The following MCTP2 variants were observed in gnomAD, a reference collection of about 807,000 sequenced individuals.
MCTP2 encodes the protein multiple C2 and transmembrane domain-containing protein 2.
MCTP2 carries 132 observed loss-of-function variants against 111.6 expected under a neutral mutation model. The observed-to-expected ratio is 1.18, with a 90% CI of 1.03 to 1.37. The LOEUF is 1.37. MCTP2 is among the 40% of genes most tolerant of loss of function. The pLI, the probability that MCTP2 is intolerant of heterozygous loss-of-function variation, is 0.00. For synonymous variants in MCTP2, 395 were observed against 387.7 expected (o/e 1.02, Z -0.22); for missense variants, 1,183 against 1,067.9 (o/e 1.11, Z -1.50).
In MCTP2 at chr15:94,340,388, GA is replaced by G. The variant is rs375008987; in HGVS notation, c.857+116del. The G allele has an allele frequency of 2.2e-4, 177 of 807,034 alleles. 1 individual carries two copies. In the African/African-American group the frequency reaches 2.5e-3, roughly 11 times the overall value. The allele number at this position is 807,034 out of a possible 1,614,324, so 50.0% of individuals were successfully genotyped here. Reference sequence around the variant, plus strand: ...ACAAAAATAACATATCTGAACAAATGAAAGAGAGCTTTAAAGTGTTATAACT... The same window carrying G: ...ACAAAAATAACATATCTGAACAAATGAAGAGAGCTTTAAAGTGTTATAACT... On this transcript the variant is annotated intron_variant, in intron 6 of 22. Coordinates refer to ENST00000357742, the MANE Select transcript of MCTP2 (RefSeq NM_001385001.1).
At chr15:94,298,776 CTCTCTT>C (rs758230861) in intron 2 of MCTP2, 46 bp downstream of exon 2, 65 of 1,221,168 alleles carry the variant, frequency 5.3e-5, no homozygotes, top group Admixed American at 9.6e-5. Context: ...CTCTCTCTCT[CTCTCTT>C]TCCCTCTCTT....
At chr15:94,359,921 G>A (rs1413679293) in intron 10 of MCTP2, among the ~76,000 whole-genome samples, 1 of 152,150 alleles carries the variant, frequency 6.6e-6, no homozygotes, top group Non-Finnish European at 1.5e-5. Context: ...TTGCTCCGGT[G>A]TCTCTCAATA....
intron 21 of MCTP2, among the ~76,000 whole-genome samples, chr15:94,472,081 A>G (rs571026343): frequency 1.3e-5 from 2 of 152,304 alleles, no homozygotes; most frequent in South Asian, 4.2e-4. Flanking sequence ...TCCTTCCACA[A>G]AGAAGACTAA....
At chr15:94,416,705 T>A (rs898184746) in intron 17 of MCTP2, among the ~76,000 whole-genome samples, 4 of 152,118 alleles carry the variant, frequency 2.6e-5, no homozygotes, top group Non-Finnish European at 5.9e-5. Context: ...CAAAGTTGGA[T>A]CTCTTCTATT....
chr15:94,419,177 A>G (rs2082509654), intron 17 of MCTP2, among the ~76,000 whole-genome samples: 1 of 152,154 alleles, frequency 6.6e-6, no homozygotes, highest in South Asian at 2.1e-4. Context: ...GGTTATACCC[A>G]CACCAAACTG....
chr15:94,470,279 C>A lies in MCTP2; in HGVS notation c.2361-54C>A. 3 of 1,220,458 alleles carry A rather than the reference C, an allele frequency of 2.5e-6. 1 individual carries two copies. Among genetic ancestry groups the A allele is most frequent in the South Asian group, 2.5e-5 (2 of 81,174 alleles). The allele number at this position is 1,220,458 out of a possible 1,614,324, so 75.6% of individuals were successfully genotyped here. A position where few individuals can be genotyped will look rare whatever the true frequency, so the allele number is the denominator to read the frequency against. On this transcript the variant is annotated intron_variant, in intron 20 of 22. Coordinates refer to ENST00000357742, the MANE Select transcript of MCTP2 (RefSeq NM_001385001.1). The stretch of plus-strand genomic sequence containing the variant: ...ATGAAATAAACATGACAAGTTGACT[C>A]TGTGGCAGTTGTTGAACATCAGAGG...
intron 19 of MCTP2, among the ~76,000 whole-genome samples, chr15:94,451,546 C>T (rs1191118089): frequency 6.6e-6 from 1 of 152,216 alleles, no homozygotes; most frequent in African/African-American, 2.4e-5. Context: ...TTTTATTACA[C>T]ATTTCCCTCT....
chr15:94,472,206 T>G (rs2073985958), intron 21 of MCTP2, among the ~76,000 whole-genome samples: 1 of 152,288 alleles, frequency 6.6e-6, no homozygotes, highest in African/African-American at 2.4e-5. Flanking sequence ...GGTGAAACCC[T>G]GTTTCTACCA....
At chr15:94,469,621 A>G (rs546224818) in intron 20 of MCTP2, among the ~76,000 whole-genome samples, 3 of 152,226 alleles carry the variant, frequency 2.0e-5, no homozygotes, top group Non-Finnish European at 4.4e-5. Context: ...TAATCCCAGC[A>G]CTTTGGGAGG....
At chr15:94,441,385 CAG>C (rs1403941194) in intron 18 of MCTP2, among the ~76,000 whole-genome samples, 5 of 152,204 alleles carry the variant, frequency 3.3e-5, no homozygotes, top group Non-Finnish European at 7.3e-5. Context: ...CTAGGTTTCA[CAG>C]AGTTATAGAT....
Position 94,367,604 on chromosome 15 carries a change from G to A in MCTP2, c.1302-1G>A. The A allele has an allele frequency of 6.2e-7, 1 of 1,605,904 alleles. No individual in the cohort carries two copies. Among genetic ancestry groups the A allele is most frequent in the Non-Finnish European group, 8.5e-7 (1 of 1,176,638 alleles). ...TCTCTTGATTCCTGAAACTTTTCTA[G>A]GTGTAAAGTGGATATCTCGGCACTC... On this transcript the variant is annotated splice_acceptor_variant, in intron 10 of 22. Coordinates refer to ENST00000357742, the MANE Select transcript of MCTP2 (RefSeq NM_001385001.1). LOFTEE classifies it high-confidence loss of function.
chr15:94,306,897 G>A lies in MCTP2; in HGVS notation c.466-7385G>A, dbSNP rs572836803. The stretch of plus-strand genomic sequence containing the variant: ...GAGAAGTAGAGTGAGAAACCACAGA[G>A]GAGAGGAAACGACCTCCAGGTTGCA... On this transcript the variant is annotated intron_variant, in intron 2 of 22. Transcript: ENST00000357742. 3.9e-5 allele frequency among the ~76,000 whole-genome samples: 6 copies of A among 152,286 alleles called. 1 individual carries two copies. In the South Asian group the frequency reaches 1.2e-3, roughly 32 times the overall value.
intron 4 of MCTP2, among the ~76,000 whole-genome samples, chr15:94,320,941 T>G (rs913057891): frequency 1.9e-4 from 29 of 152,192 alleles, no homozygotes; most frequent in African/African-American, 6.3e-4. Flanking sequence ...TTGTACAACT[T>G]ACATAACCTC....
chr15:94,241,353 A>G (rs1034575171), intron 1 of MCTP2, among the ~76,000 whole-genome samples: 2 of 152,214 alleles, frequency 1.3e-5, no homozygotes, highest in Non-Finnish European at 2.9e-5. Flanking sequence ...TAGGTTATGA[A>G]TGGTAATTTT....
At chr15:94,287,424 G>T (rs143992653) in intron 1 of MCTP2, among the ~76,000 whole-genome samples, 83 of 152,216 alleles carry the variant, frequency 5.5e-4, no homozygotes, top group African/African-American at 1.6e-3. Flanking sequence ...GAGTCCAGGG[G>T]TGTATTAGCT....
At chr15:94,416,094 A>G (rs1259808727) in intron 17 of MCTP2, among the ~76,000 whole-genome samples, 4 of 152,140 alleles carry the variant, frequency 2.6e-5, no homozygotes. Flanking sequence ...CACTATGCAC[A>G]GTTGCATCAT....
At chr15:94,298,948 TCTCTCCCTCTCTCCCTCTCTCC>T (rs1422173495) in intron 2 of MCTP2, among the ~76,000 whole-genome samples, 189 of 7,018 alleles carry the variant, frequency 0.027, 8 homozygotes, top group African/African-American at 0.1. Flanking sequence ...CCTCTCTCCC[TCTCTCCCTCTCTCCCTCTCTCC>T]CTCTCCCTCT....
At chr15:94,292,698 T>G (rs2075087761) in intron 1 of MCTP2, among the ~76,000 whole-genome samples, 1 of 152,240 alleles carries the variant, frequency 6.6e-6, no homozygotes, top group African/African-American at 2.4e-5. Context: ...CAAACTGCTC[T>G]ATTTATTGAA....
intron 12 of MCTP2, among the ~76,000 whole-genome samples, chr15:94,370,463 GT>G (rs1158270085): frequency 1.2e-4 from 19 of 152,296 alleles, no homozygotes; most frequent in African/African-American, 4.1e-4. Context: ...TTCTTTATTT[GT>G]TAAATTAAGT....
Sources: allele counts gnomAD v4.1 joint callset (sites outside exome capture counted in the v4.1 genomes callset), GRCh38; gene constraint gnomAD v4.1.1; transcripts MANE v1.5; gene names NCBI Gene and HGNC (gene_info 2026-07-23, HGNC 2026-07-21).